MAMDC2: variants seen among roughly 807,000 people sequenced by gnomAD.
The protein encoded by MAMDC2 is MAM domain-containing protein 2.
In MAMDC2, 57 loss-of-function variants were observed where a neutral mutation model predicts 89.8. The observed-to-expected ratio is 0.63, with a 90% CI of 0.51 to 0.79. MAMDC2 has a LOEUF of 0.79. Ranked by LOEUF, MAMDC2 falls within the 30% of genes least tolerant of loss-of-function variation. The pLI, the probability that MAMDC2 is intolerant of heterozygous loss-of-function variation, is 0.00. For synonymous variants in MAMDC2, 313 were observed against 293.4 expected, an observed-to-expected ratio of 1.07 and a Z score of -0.68; for missense variants, 800 against 820.6, an observed-to-expected ratio of 0.97 and a Z score of 0.31.
intron 2 of MAMDC2, among the ~76,000 whole-genome samples, chr9:70,080,730 G>T (rs765099053): frequency 6.6e-5 from 10 of 152,194 alleles, no homozygotes; most frequent in Non-Finnish European, 1.2e-4. Flanking sequence ...ACGTCTTGTG[G>T]CCAAGTGCAA....
Position 70,044,685 on chromosome 9 carries a change from T to C in MAMDC2, c.136T>C (p.Leu46=). 7 of 1,551,488 alleles carry C rather than the reference T, an allele frequency of 4.5e-6. No individual in the cohort carries two copies. The highest frequency in any genetic ancestry group is 6.1e-6 in the Non-Finnish European group (7 of 1,146,832). The change falls in exon 2 of 14, where the codon TTA becomes CTA. Residue 46 remains leucine (L), a synonymous_variant. Coordinates refer to ENST00000377182, the MANE Select transcript of MAMDC2 (RefSeq NM_153267.5). The part of the protein sequence containing the change: ...DSVLASLPWI[L]NEEGHYIYVD... ...CGTGTTGGCCTCTCTGCCGTGGATT[T>C]TAAATGAGGAAGGTAAGGAGGCTCG...
chr9:70,170,766 A>C, intron 11 of MAMDC2, 135 bp downstream of exon 11: 1 of 782,928 alleles, frequency 1.3e-6, no homozygotes, highest in Non-Finnish European at 1.9e-6. Context: ...TTCTACACAC[A>C]CAGGATGATT....
At chr9:70,140,317 C>T in intron 8 of MAMDC2, 29 bp downstream of exon 8, 1 of 1,550,930 alleles carries the variant, frequency 6.4e-7, no homozygotes, top group Non-Finnish European at 8.6e-7. Context: ...TATGTGGGGA[C>T]ATCTTGGGTA....
At chr9:70,120,938 C>A (rs2030256738) in intron 5 of MAMDC2, among the ~76,000 whole-genome samples, 1 of 152,154 alleles carries the variant, frequency 6.6e-6, no homozygotes, top group Non-Finnish European at 1.5e-5. Context: ...GGCAGCAGAC[C>A]AGTGGGTATT....
intron 12 of MAMDC2, among the ~76,000 whole-genome samples, chr9:70,220,985 C>A (rs899441695): frequency 2.0e-5 from 3 of 152,056 alleles, no homozygotes; most frequent in African/African-American, 7.3e-5. Flanking sequence ...TCTCCCTAGT[C>A]ACTAATTCAT....
chr9:70,186,041 T>C (rs1357360651), intron 11 of MAMDC2, among the ~76,000 whole-genome samples: 1 of 152,004 alleles, frequency 6.6e-6, no homozygotes, highest in East Asian at 1.9e-4. Context: ...TGAGTTCTTA[T>C]TGTTTATATT....
intron 12 of MAMDC2, among the ~76,000 whole-genome samples, chr9:70,220,343 A>G (rs751964353): frequency 1.3e-5 from 2 of 152,196 alleles, no homozygotes; most frequent in Non-Finnish European, 2.9e-5. Flanking sequence ...CAAATGATGC[A>G]GAATCGCCCT....
chr9:70,075,857 TGTCTG>T (rs1429719082), intron 2 of MAMDC2, among the ~76,000 whole-genome samples: 1 of 152,260 alleles, frequency 6.6e-6, no homozygotes, highest in African/African-American at 2.4e-5. Context: ...ACTGTGCTGC[TGTCTG>T]GAAGAATGCA....
chr9:70,124,648 C>T (rs1029857548), intron 5 of MAMDC2, among the ~76,000 whole-genome samples: 6 of 152,126 alleles, frequency 3.9e-5, no homozygotes, highest in African/African-American at 1.4e-4. Context: ...AATGCATATG[C>T]TCCTCCTAAT....
At chr9:70,122,714 C>T (rs2030339587) in intron 5 of MAMDC2, among the ~76,000 whole-genome samples, 1 of 152,124 alleles carries the variant, frequency 6.6e-6, no homozygotes, top group South Asian at 2.1e-4. Context: ...CATCATATAC[C>T]TCTTTATGCC....
At chr9:70,138,801 G>T (rs1008620332) in intron 7 of MAMDC2, among the ~76,000 whole-genome samples, 3 of 152,228 alleles carry the variant, frequency 2.0e-5, no homozygotes, top group Admixed American at 1.3e-4. Context: ...CAAAGCAATA[G>T]CAGTACCCAT....
intron 11 of MAMDC2, among the ~76,000 whole-genome samples, chr9:70,189,143 T>A (rs2032824279): frequency 6.6e-6 from 1 of 152,180 alleles, no homozygotes; most frequent in Admixed American, 6.5e-5. Context: ...CCTACACAGT[T>A]ATCTTTATTG....
At chr9:70,057,825 A>G (rs1328532543) in intron 2 of MAMDC2, among the ~76,000 whole-genome samples, 1 of 152,190 alleles carries the variant, frequency 6.6e-6, no homozygotes, top group East Asian at 1.9e-4. Context: ...AAGCCTGGAG[A>G]GAGACCATCT....
At chr9:70,098,112 T>C (rs1243757558) in intron 2 of MAMDC2, among the ~76,000 whole-genome samples, 2 of 152,226 alleles carry the variant, frequency 1.3e-5, no homozygotes, top group African/African-American at 4.8e-5. Flanking sequence ...GGATTGTTCA[T>C]GACATGTACA....
chr9:70,056,053 C>G (rs1827017587), intron 2 of MAMDC2, among the ~76,000 whole-genome samples: 1 of 152,112 alleles, frequency 6.6e-6, no homozygotes, highest in Admixed American at 6.5e-5. Flanking sequence ...ATTTGAAAAA[C>G]TTTTGCCTCA....
chr9:70,109,919 T>C (rs1474177634), intron 4 of MAMDC2, 115 bp downstream of exon 4: 3 of 787,084 alleles, frequency 3.8e-6, no homozygotes, highest in Non-Finnish European at 6.6e-6. Flanking sequence ...ATGCACTGCA[T>C]AATGCATACT....
At chr9:70,095,514 C>T (rs569140746) in intron 2 of MAMDC2, among the ~76,000 whole-genome samples, 2 of 152,248 alleles carry the variant, frequency 1.3e-5, no homozygotes, top group African/African-American at 4.8e-5. Context: ...AATGAAGACA[C>T]TAAGATTTCT....
At chr9:70,196,975 C>T (rs932591041) in intron 11 of MAMDC2, among the ~76,000 whole-genome samples, 3 of 152,094 alleles carry the variant, frequency 2.0e-5, no homozygotes, top group Admixed American at 2.0e-4. Context: ...ACTTGGAAGA[C>T]AAATAGTTGG....
At chr9:70,130,292 G>A (rs1167638364) in intron 6 of MAMDC2, among the ~76,000 whole-genome samples, 1 of 152,094 alleles carries the variant, frequency 6.6e-6, no homozygotes, top group African/African-American at 2.4e-5. Context: ...AATTGATGAG[G>A]CTGAGTGACA....
Sources: gnomAD v4.1 joint callset for allele counts (sites outside exome capture counted in the v4.1 genomes callset) on GRCh38, gnomAD v4.1.1 for gene constraint, MANE v1.5 for transcripts, NCBI Gene and HGNC (gene_info 2026-07-23, HGNC 2026-07-21) for gene names.